The following IPCEF1 variants were observed in gnomAD, a reference collection of about 807,000 sequenced individuals.
IPCEF1 encodes interaction protein for cytohesin exchange factors 1, also known as interactor protein for cytohesin exchange factors 1.
A neutral mutation model predicts 50.9 loss-of-function variants in IPCEF1; 31 were observed. The observed-to-expected ratio is 0.61, with a 90% CI of 0.46 to 0.82. The LOEUF (loss-of-function observed/expected upper bound fraction) is 0.82. Among genes scored for constraint, IPCEF1 ranks in the 40% least tolerant of loss-of-function variants. The pLI is 0.00. For missense variants in IPCEF1, 458 were observed against 514.0 expected, an observed-to-expected ratio of 0.89 and a Z score of 1.05; for synonymous variants, 181 against 192.0, an observed-to-expected ratio of 0.94 and a Z score of 0.47.
chr6:154,246,373 A>G (rs1781044455), intron 5 of IPCEF1, among the ~76,000 whole-genome samples: 1 of 152,248 alleles, frequency 6.6e-6, no homozygotes, highest in Non-Finnish European at 1.5e-5. Flanking sequence ...CTTCCTCCCC[A>G]GCCAGAGTAG....
intron 10 of IPCEF1, among the ~76,000 whole-genome samples, chr6:154,195,126 A>G (rs1776485356): frequency 6.7e-6 from 1 of 150,274 alleles, no homozygotes; most frequent in African/African-American, 2.5e-5. Context: ...CTCTACAGCT[A>G]AAATAATTTT....
chr6:154,197,887 G>A (rs1036397440), intron 10 of IPCEF1, among the ~76,000 whole-genome samples: 2 of 152,178 alleles, frequency 1.3e-5, no homozygotes, highest in Non-Finnish European at 2.9e-5. Flanking sequence ...TAAAGTAAGC[G>A]TTTGTAGGAG....
chr6:154,224,665 C>T (rs1485738580), intron 5 of IPCEF1, among the ~76,000 whole-genome samples: 1 of 151,958 alleles, frequency 6.6e-6, no homozygotes, highest in Non-Finnish European at 1.5e-5. Context: ...GAGCCAAGAT[C>T]GTGCCACTGC....
chr6:154,296,293 G>A lies in IPCEF1; in HGVS notation c.-61-6537C>T, dbSNP rs140385420. The stretch of plus-strand genomic sequence containing the variant: ...CAGGGGAAGAGCTGCTATAAGAAGA[G>A]GATGTAAAGAAGACAAGGGAGTGTG... On this transcript the variant is annotated intron_variant, in intron 1 of 11. Transcript: ENST00000367220. Among the ~76,000 whole-genome samples, 7 of 152,228 alleles carry A rather than the reference G, an allele frequency of 4.6e-5. No homozygotes were observed. The East Asian group carries it at 9.7e-4, about 21-fold the overall frequency.
chr6:154,261,468 C>A (rs765187359), intron 3 of IPCEF1, among the ~76,000 whole-genome samples: 6 of 152,158 alleles, frequency 3.9e-5, no homozygotes, highest in Non-Finnish European at 7.3e-5. Flanking sequence ...GGGCCAGAGA[C>A]AAAAGCCCAG....
At chr6:154,206,046 T>G (rs375710749) in intron 9 of IPCEF1, among the ~76,000 whole-genome samples, 148 of 152,242 alleles carry the variant, frequency 9.7e-4, no homozygotes, top group African/African-American at 3.4e-3. Flanking sequence ...GGAGACTTTA[T>G]TCTCAAAAGC....
At chr6:154,180,139 G>T (rs747939341) in intron 10 of IPCEF1, among the ~76,000 whole-genome samples, 2 of 152,160 alleles carry the variant, frequency 1.3e-5, no homozygotes, top group Admixed American at 1.3e-4. Context: ...GAGAATGAAA[G>T]AAAATTTGGC....
At chr6:154,280,337 G>A (rs1782174583) in intron 2 of IPCEF1, among the ~76,000 whole-genome samples, 1 of 152,150 alleles carries the variant, frequency 6.6e-6, no homozygotes, top group Admixed American at 6.5e-5. Context: ...AGGCCAACAT[G>A]GGAGGATCAC....
intron 7 of IPCEF1, among the ~76,000 whole-genome samples, chr6:154,220,156 C>T (rs1778749251): frequency 6.6e-6 from 1 of 152,142 alleles, no homozygotes; most frequent in African/African-American, 2.4e-5. Context: ...TAAGCGTAAG[C>T]TCTGTGAATG....
At chr6:154,353,293 CTTTTTTT>C (rs914097422) in intron 1 of IPCEF1, among the ~76,000 whole-genome samples, 16 of 127,860 alleles carry the variant, frequency 1.3e-4, no homozygotes, top group African/African-American at 3.0e-4. Context: ...TTTCCTTTTC[CTTTTTTT>C]TTTTTTTTTT....
At chr6:154,193,961 A>C (rs1001871291) in intron 10 of IPCEF1, among the ~76,000 whole-genome samples, 1 of 108,970 alleles carries the variant, frequency 9.2e-6, no homozygotes, top group Admixed American at 8.2e-5. Context: ...GACTTCAAAG[A>C]CTTTTTTTTG....
At chr6:154,180,137 A>T (rs999027156) in intron 10 of IPCEF1, among the ~76,000 whole-genome samples, 6 of 152,158 alleles carry the variant, frequency 3.9e-5, no homozygotes, top group Non-Finnish European at 8.8e-5. Flanking sequence ...AAGAGAATGA[A>T]AGAAAATTTG....
chr6:154,205,946 C>A (rs1480726470), intron 9 of IPCEF1, among the ~76,000 whole-genome samples: 4 of 152,200 alleles, frequency 2.6e-5, no homozygotes, highest in Admixed American at 1.3e-4. Flanking sequence ...GGCTATGCTG[C>A]AGCCTTCCCC....
At chr6:154,194,904 T>C (rs1336157263) in intron 10 of IPCEF1, among the ~76,000 whole-genome samples, 1 of 152,042 alleles carries the variant, frequency 6.6e-6, no homozygotes, top group African/African-American at 2.4e-5. Flanking sequence ...CAACATCAAA[T>C]GATACTTCAC....
At chr6:154,188,454 C>A (rs952979982) in intron 10 of IPCEF1, among the ~76,000 whole-genome samples, 4 of 152,134 alleles carry the variant, frequency 2.6e-5, no homozygotes, top group African/African-American at 9.7e-5. Flanking sequence ...AAAAATGTAA[C>A]GCAATTCATG....
chr6:154,325,462 C>A (rs558254208), intron 1 of IPCEF1, among the ~76,000 whole-genome samples: 1 of 152,242 alleles, frequency 6.6e-6, no homozygotes, highest in African/African-American at 2.4e-5. Flanking sequence ...CACTTCCCAC[C>A]ATGTAATTTT....
chr6:154,346,263 T>A (rs1265321064), intron 1 of IPCEF1, among the ~76,000 whole-genome samples: 2 of 96,378 alleles, frequency 2.1e-5, no homozygotes, highest in Non-Finnish European at 4.8e-5. Flanking sequence ...ATGAAAAGTA[T>A]TTATCTTCTC....
chr6:154,291,339 G>C (rs1190623088), intron 1 of IPCEF1, among the ~76,000 whole-genome samples: 1 of 152,086 alleles, frequency 6.6e-6, no homozygotes, highest in Non-Finnish European at 1.5e-5. Context: ...GTTCTGCAAA[G>C]GACATATTTC....
At chr6:154,307,529 T>C (rs1782967285) in intron 1 of IPCEF1, among the ~76,000 whole-genome samples, 1 of 152,136 alleles carries the variant, frequency 6.6e-6, no homozygotes, top group South Asian at 2.1e-4. Context: ...GTACTGGGGT[T>C]AGGACTTCAG....
Sources: gnomAD v4.1 joint callset for allele counts (sites outside exome capture counted in the v4.1 genomes callset) on GRCh38, gnomAD v4.1.1 for gene constraint, MANE v1.5 for transcripts, NCBI Gene and HGNC (gene_info 2026-07-23, HGNC 2026-07-21) for gene names.